Variants in HDAC4 observed in about 807,000 individuals in gnomAD.
HDAC4 encodes histone deacetylase A.
In HDAC4, 16 loss-of-function variants were observed where a neutral mutation model predicts 135.1. The ratio of observed to expected loss-of-function variants is 0.12; its 90% CI spans 0.08 to 0.18. The LOEUF (loss-of-function observed/expected upper bound fraction) is 0.18. Ranked by LOEUF, HDAC4 falls within the 10% of genes least tolerant of loss-of-function variation. The pLI is 1.00. For missense variants in HDAC4, 1,143 were observed against 1,511.8 expected (o/e 0.76, Z 4.05); for synonymous variants, 685 against 653.4 (o/e 1.05, Z -0.74).
chr2:239,280,645 C>T (rs533993128), intron 2 of HDAC4, among the ~76,000 whole-genome samples: 2 of 152,272 alleles, frequency 1.3e-5, no homozygotes, highest in African/African-American at 4.8e-5. Flanking sequence ...AGGAAGACAC[C>T]AGGCACAACA....
intron 4 of HDAC4, among the ~76,000 whole-genome samples, chr2:239,185,859 C>T (rs2044518037): frequency 6.6e-6 from 1 of 152,118 alleles, no homozygotes; most frequent in Admixed American, 6.5e-5. Context: ...GGGAAAAACC[C>T]ATCTCTACCA....
intron 2 of HDAC4, among the ~76,000 whole-genome samples, chr2:239,244,264 A>G (rs1022049909): frequency 3.9e-5 from 6 of 152,210 alleles, no homozygotes; most frequent in African/African-American, 1.4e-4. Flanking sequence ...TTTTGCCTGA[A>G]TAAGGAGGGA....
At chr2:239,081,215 A>G (rs751331840) in intron 21 of HDAC4, 23 bp from the exon 22 acceptor site, 14 of 1,595,020 alleles carry the variant, frequency 8.8e-6, no homozygotes, top group South Asian at 2.2e-5. Context: ...GGAGAGAAAC[A>G]CACGTCATGG....
At chr2:239,187,779 T>A (rs3791552) in intron 4 of HDAC4, among the ~76,000 whole-genome samples, 12,967 of 152,030 alleles carry the variant, frequency 0.085, 620 homozygotes, top group East Asian at 0.15. Flanking sequence ...TAAACTCGAG[T>A]GTGCTTGTTA....
At position 239,114,958 on chromosome 2, in the gene HDAC4, C is replaced by T; in HGVS notation, c.1791+95G>A. On this transcript the variant is annotated intron_variant, in intron 13 of 26. Transcript: ENST00000543185. ...CTGGACAGTGACCGCGCAAGGATGCCCTGCAGCCCCCGTGATCACCACAGA... is the reference window on the plus strand; with the variant it reads ...CTGGACAGTGACCGCGCAAGGATGCTCTGCAGCCCCCGTGATCACCACAGA... 4 of 1,462,980 alleles carry T rather than the reference C, an allele frequency of 2.7e-6. No homozygotes were observed. In the South Asian group the frequency reaches 4.7e-5, roughly 17 times the overall value. 90.6% of individuals were successfully genotyped at this position (1,462,980 alleles called of 1,614,324 possible). A position where few individuals can be genotyped will look rare whatever the true frequency, so the allele number is the denominator to read the frequency against.
At chr2:239,398,774 C>T (rs988813718) in intron 1 of HDAC4, among the ~76,000 whole-genome samples, 1 of 152,250 alleles carries the variant, frequency 6.6e-6, no homozygotes, top group Non-Finnish European at 1.5e-5. Flanking sequence ...CGTCCCTAGG[C>T]CTTCCAGGCC....
At chr2:239,154,597 A>G (rs963067862) in intron 7 of HDAC4, 9 of 152,070 alleles carry the variant, frequency 5.9e-5, no homozygotes, top group South Asian at 2.1e-4. Flanking sequence ...TCTCTCTCCC[A>G]GCATAGGGCC....
Position 239,330,506 on chromosome 2 carries a change from G to A in HDAC4, c.22+22172C>T, listed in dbSNP as rs551183405. On this transcript the variant is annotated intron_variant, in intron 2 of 26. Coordinates refer to ENST00000543185, the MANE Select transcript of HDAC4 (RefSeq NM_001378414.1). Reference sequence around the variant, plus strand: ...CCACCGAACACTGGCCTGGACTTCCGCTCCAAGAAGCTCTTCTCCACCAAC... The same window carrying A: ...CCACCGAACACTGGCCTGGACTTCCACTCCAAGAAGCTCTTCTCCACCAAC... Among the ~76,000 whole-genome samples the A allele has an allele frequency of 4.2e-4, 64 of 152,308 alleles. 1 individual carries two copies. The highest frequency in any genetic ancestry group is 6.8e-3 in the Middle Eastern group (2 of 294).
chr2:239,400,312 A>ACGGCGCCCGGCCGGCCC lies in HDAC4; in HGVS notation c.-220+649_-220+665dup, dbSNP rs992011039. The ACGGCGCCCGGCCGGCCC allele has an allele frequency of 6.7e-6, 1 of 148,304 alleles. No homozygotes were observed. Among genetic ancestry groups the ACGGCGCCCGGCCGGCCC allele is most frequent in the African/African-American group, 2.5e-5 (1 of 40,664 alleles). 9.2% of individuals were successfully genotyped at this position (148,304 alleles called of 1,614,324 possible). A position where few individuals can be genotyped will look rare whatever the true frequency, so the allele number is the denominator to read the frequency against. On this transcript the variant is annotated intron_variant, in intron 1 of 26. Coordinates refer to ENST00000543185, the MANE Select transcript of HDAC4 (RefSeq NM_001378414.1). This position sits in a 1 kb window ranked among gnomAD's most constrained non-coding sequence, Gnocchi z 4.7. ...CACAGCATTTGACAAAGTTACATAAACGGCGCCCGGCCGGCCCCGGCGCCC... is the reference window on the plus strand; with the variant it reads ...CACAGCATTTGACAAAGTTACATAAACGGCGCCCGGCCGGCCCCGGCGCCCGGCCGGCCCCGGCGCCC...
At chr2:239,274,738 G>A (rs1367161693) in intron 2 of HDAC4, among the ~76,000 whole-genome samples, 1 of 152,150 alleles carries the variant, frequency 6.6e-6, no homozygotes, top group Non-Finnish European at 1.5e-5. Context: ...TGACTCAACG[G>A]AGGGCAAGCC....
chr2:239,276,212 A>G (rs1382259203), intron 2 of HDAC4, among the ~76,000 whole-genome samples: 5 of 152,244 alleles, frequency 3.3e-5, no homozygotes, highest in African/African-American at 1.2e-4. Flanking sequence ...CAGCTGCACC[A>G]GTCTTACAGA....
chr2:239,387,077 C>G (rs1010458172), intron 1 of HDAC4, among the ~76,000 whole-genome samples: 44 of 151,382 alleles, frequency 2.9e-4, no homozygotes, highest in Middle Eastern at 6.8e-3. Flanking sequence ...GTCCGGGGAG[C>G]ACGAGTGTGT....
intron 24 of HDAC4, among the ~76,000 whole-genome samples, chr2:239,055,930 A>G (rs1173691525): frequency 6.6e-6 from 1 of 152,184 alleles, no homozygotes; most frequent in Non-Finnish European, 1.5e-5. Flanking sequence ...TCAGGACAGG[A>G]CGGGTGAGCG....
At chr2:239,162,618 C>T (rs189579745) in intron 6 of HDAC4, among the ~76,000 whole-genome samples, 74 of 152,338 alleles carry the variant, frequency 4.9e-4, no homozygotes, top group Non-Finnish European at 9.3e-4. Context: ...ACTGCTGTCA[C>T]GTGCTGCCTC....
chr2:239,357,789 T>C (rs1336828053), intron 1 of HDAC4, among the ~76,000 whole-genome samples: 2 of 147,394 alleles, frequency 1.4e-5, no homozygotes, highest in Non-Finnish European at 3.0e-5. Context: ...CTCGGGAGGC[T>C]GAGGTGGGAG....
intron 2 of HDAC4, among the ~76,000 whole-genome samples, chr2:239,272,305 A>G (rs141230091): frequency 3.2e-4 from 49 of 152,368 alleles, no homozygotes; most frequent in African/African-American, 1.1e-3. Context: ...AGCAAAAGAA[A>G]AAAATAGCCA....
chr2:239,205,625 C>T (rs748023901), intron 3 of HDAC4, among the ~76,000 whole-genome samples: 6 of 150,788 alleles, frequency 4.0e-5, no homozygotes, highest in Admixed American at 6.6e-5. Context: ...CTGGGGGCTA[C>T]GGAGAGAAAT....
chr2:239,183,227 G>A (rs1396748144), intron 4 of HDAC4, among the ~76,000 whole-genome samples: 1 of 152,204 alleles, frequency 6.6e-6, no homozygotes, highest in African/African-American at 2.4e-5. Context: ...AAATATAGGA[G>A]CCCCAGAATT....
intron 22 of HDAC4, among the ~76,000 whole-genome samples, chr2:239,071,243 C>T (rs1216392950): frequency 6.6e-6 from 1 of 151,914 alleles, no homozygotes; most frequent in African/African-American, 2.4e-5. Flanking sequence ...CATGGTGAAA[C>T]CCCATCTCCA....
Sources: allele counts gnomAD v4.1 joint callset (sites outside exome capture counted in the v4.1 genomes callset), GRCh38; gene constraint gnomAD v4.1.1; non-coding constraint Gnocchi (gnomAD v3.1); transcripts MANE v1.5; gene names NCBI Gene and HGNC (gene_info 2026-07-23, HGNC 2026-07-21).